The following AGBL4 variants were observed in gnomAD, a reference collection of about 807,000 sequenced individuals.
The protein encoded by AGBL4 is AGBL carboxypeptidase 4.
AGBL4 carries 58 observed loss-of-function variants against 66.4 expected under a neutral mutation model. That is an observed-to-expected ratio of 0.87 (90% CI 0.71 to 1.09). The LOEUF (loss-of-function observed/expected upper bound fraction) is 1.09. AGBL4 is among the 50% of genes least tolerant of loss of function. The pLI is 0.00. For missense variants in AGBL4, 579 were observed against 631.0 expected (o/e 0.92, Z 0.88); for synonymous variants, 234 against 222.9 (o/e 1.05, Z -0.44).
intron 2 of AGBL4, among the ~76,000 whole-genome samples, chr1:49,759,319 C>T (rs780689337): frequency 1.2e-4 from 18 of 152,120 alleles, no homozygotes; most frequent in Admixed American, 2.6e-4. Flanking sequence ...CACAGGAAAA[C>T]ATCTGAAAAG....
chr1:49,199,960 G>A (rs1357215684), intron 4 of AGBL4, among the ~76,000 whole-genome samples: 1 of 152,142 alleles, frequency 6.6e-6, no homozygotes, highest in Non-Finnish European at 1.5e-5. Context: ...AGGCAAGTGT[G>A]ACTACTTGAT....
intron 4 of AGBL4, among the ~76,000 whole-genome samples, chr1:49,181,572 G>C (rs760982952): frequency 6.6e-6 from 1 of 152,084 alleles, no homozygotes; most frequent in Non-Finnish European, 1.5e-5. Context: ...ACTCATAGGG[G>C]TATTGCCTAG....
chr1:49,651,191 C>A (rs1344402621), intron 3 of AGBL4, among the ~76,000 whole-genome samples: 1 of 152,140 alleles, frequency 6.6e-6, no homozygotes, highest in African/African-American at 2.4e-5. Context: ...AATTGAAGAT[C>A]ATAAACCTTG....
chr1:49,830,445 T>A (rs1645636940), intron 2 of AGBL4, among the ~76,000 whole-genome samples: 2 of 152,188 alleles, frequency 1.3e-5, no homozygotes, highest in Non-Finnish European at 2.9e-5. Flanking sequence ...TATCCTTCAC[T>A]CACTTGCTCA....
At chr1:48,821,650 A>G (rs980885317) in intron 6 of AGBL4, among the ~76,000 whole-genome samples, 1 of 152,148 alleles carries the variant, frequency 6.6e-6, no homozygotes, top group East Asian at 1.9e-4. Flanking sequence ...GGACAACATT[A>G]ACTCTATGGT....
chr1:49,909,608 A>AC (rs1650616967), intron 1 of AGBL4, among the ~76,000 whole-genome samples: 2 of 152,156 alleles, frequency 1.3e-5, no homozygotes, highest in Non-Finnish European at 2.9e-5. Context: ...ATCATGAAGG[A>AC]CCTTAAGGAT....
At chr1:49,223,799 G>C (rs2148282487) in intron 4 of AGBL4, among the ~76,000 whole-genome samples, 1 of 152,212 alleles carries the variant, frequency 6.6e-6, no homozygotes, top group South Asian at 2.1e-4. Flanking sequence ...AATAATTTTA[G>C]GCAGTTTTAC....
chr1:49,916,362 C>T (rs1651492211), intron 1 of AGBL4, among the ~76,000 whole-genome samples: 1 of 152,168 alleles, frequency 6.6e-6, no homozygotes, highest in Non-Finnish European at 1.5e-5. Flanking sequence ...TGACTAACTA[C>T]AATAACCAGT....
intron 3 of AGBL4, among the ~76,000 whole-genome samples, chr1:49,402,154 TTTTC>T (rs1399203815): frequency 5.9e-5 from 9 of 152,172 alleles, no homozygotes; most frequent in South Asian, 2.1e-4. Flanking sequence ...TTTTGTGTTG[TTTTC>T]TTTATTTCAA....
At chr1:49,828,276 G>T (rs1645563130) in intron 2 of AGBL4, among the ~76,000 whole-genome samples, 1 of 152,150 alleles carries the variant, frequency 6.6e-6, no homozygotes, top group Admixed American at 6.5e-5. Flanking sequence ...TATTCTTATT[G>T]TAAGAAAGGC....
At chr1:48,621,291 G>T (rs1305860891) in intron 9 of AGBL4, among the ~76,000 whole-genome samples, 2 of 152,128 alleles carry the variant, frequency 1.3e-5, no homozygotes, top group African/African-American at 4.8e-5. Flanking sequence ...GTGGATAGAT[G>T]GGTACTGAAC....
intron 3 of AGBL4, among the ~76,000 whole-genome samples, chr1:49,666,478 A>C (rs1646371416): frequency 2.6e-5 from 4 of 152,070 alleles, no homozygotes; most frequent in Non-Finnish European, 5.9e-5. Context: ...AGGCAGGAGA[A>C]TGGCTTGCAC....
At chr1:48,689,219 A>G (rs182444879) in intron 6 of AGBL4, among the ~76,000 whole-genome samples, 92 of 141,560 alleles carry the variant, frequency 6.5e-4, no homozygotes, top group East Asian at 3.5e-3. Context: ...AAAAAAAAAA[A>G]AAAAGAAAAG....
intron 6 of AGBL4, among the ~76,000 whole-genome samples, chr1:48,839,834 G>T (rs1012176749): frequency 2.0e-5 from 3 of 152,156 alleles, no homozygotes; most frequent in Non-Finnish European, 4.4e-5. Context: ...CCAGTGTGTG[G>T]TGGACAGAGG....
chr1:49,981,507 C>T (rs1161993078), intron 1 of AGBL4, among the ~76,000 whole-genome samples: 2 of 151,740 alleles, frequency 1.3e-5, no homozygotes, highest in African/African-American at 2.4e-5. Flanking sequence ...TTACTATTTC[C>T]ATTTTAAACT....
At chr1:49,378,892 G>T (rs916250414) in intron 3 of AGBL4, among the ~76,000 whole-genome samples, 1 of 152,064 alleles carries the variant, frequency 6.6e-6, no homozygotes, top group Non-Finnish European at 1.5e-5. Context: ...GTGTGGTCTG[G>T]TGTGTTACCC....
chr1:49,810,849 T>C (rs1184633264), intron 2 of AGBL4, among the ~76,000 whole-genome samples: 2 of 152,082 alleles, frequency 1.3e-5, no homozygotes, highest in East Asian at 3.9e-4. Flanking sequence ...CAAAAACATA[T>C]ACAACATATT....
chr1:49,803,080 T>C (rs1165908054), intron 2 of AGBL4, among the ~76,000 whole-genome samples: 1 of 150,718 alleles, frequency 6.6e-6, no homozygotes, highest in African/African-American at 2.4e-5. Flanking sequence ...TATATATAGC[T>C]TATGAAGTTA....
intron 6 of AGBL4, among the ~76,000 whole-genome samples, chr1:48,834,274 G>A (rs1646626313): frequency 6.6e-6 from 1 of 152,116 alleles, no homozygotes. Context: ...ATATTTAAGT[G>A]AGACTTTGAA....
Sources: gnomAD v4.1 joint callset for allele counts (sites outside exome capture counted in the v4.1 genomes callset) on GRCh38, gnomAD v4.1.1 for gene constraint, MANE v1.5 for transcripts, NCBI Gene and HGNC (gene_info 2026-07-23, HGNC 2026-07-21) for gene names.